The following HYDIN variants were observed in gnomAD, a reference collection of about 807,000 sequenced individuals.
HYDIN encodes axonemal central pair apparatus protein HYDIN.
In HYDIN, 132 loss-of-function variants were observed where a neutral mutation model predicts 403.9. That is an observed-to-expected ratio of 0.33 (90% CI 0.28 to 0.38). The LOEUF (loss-of-function observed/expected upper bound fraction) is 0.38. Among genes scored for constraint, HYDIN ranks in the 10% least tolerant of loss-of-function variants. HYDIN has a pLI of 1.00. For synonymous variants in HYDIN, 1,202 were observed against 1,891.7 expected (o/e 0.64, Z 9.46); for missense variants, 2,827 against 5,009.5 (o/e 0.56, Z 13.15).
At chr16:71,107,109 A>G (rs2083643831) in intron 10 of HYDIN, among the ~76,000 whole-genome samples, 1 of 144,162 alleles carries the variant, frequency 6.9e-6, no homozygotes, top group Admixed American at 7.2e-5. Flanking sequence ...GAACAATGAG[A>G]ACACATGGAC....
rs375993321 is a variant in HYDIN at position 70,835,007 on chromosome 16, T to C, written c.13401+669A>G. Among the ~76,000 whole-genome samples, 73 of 147,032 alleles carry C rather than the reference T, an allele frequency of 5.0e-4. No individual in the cohort carries two copies. In the South Asian group the frequency reaches 0.012, roughly 25 times the overall value. ...ATATATATATACACACATATATATA[T>C]ACACACACATATATATATGTTTTTT... On this transcript the variant is annotated intron_variant, in intron 78 of 85. Coordinates refer to ENST00000393567, the MANE Select transcript of HYDIN (RefSeq NM_001270974.2).
chr16:71,167,822 A>T (rs978929831), intron 5 of HYDIN, among the ~76,000 whole-genome samples: 4 of 152,170 alleles, frequency 2.6e-5, no homozygotes, highest in African/African-American at 9.7e-5. Context: ...GGAGGCTCCG[A>T]TGGCCTGCAG....
chr16:70,990,447 C>A (rs1413365814), intron 25 of HYDIN, among the ~76,000 whole-genome samples: 1 of 128,388 alleles, frequency 7.8e-6, no homozygotes, highest in African/African-American at 2.9e-5. Context: ...GGTCAGTGCT[C>A]AGTTAAGTGT....
At chr16:71,177,536 TCA>T (rs1380744850) in intron 4 of HYDIN, among the ~76,000 whole-genome samples, 4 of 152,206 alleles carry the variant, frequency 2.6e-5, no homozygotes, top group Non-Finnish European at 5.9e-5. Context: ...GGCTTTGCTG[TCA>T]CTAAATCACC....
At chr16:70,894,607 G>C (rs2041682442) in intron 54 of HYDIN, 59 bp from the exon 55 acceptor site, 22 of 1,018,206 alleles carry the variant, frequency 2.2e-5, no homozygotes, top group Non-Finnish European at 2.7e-5. Flanking sequence ...TGGGAAGCAG[G>C]GGAAGTGCCT....
chr16:71,151,199 T>C (rs991509220), intron 7 of HYDIN, among the ~76,000 whole-genome samples: 3 of 152,176 alleles, frequency 2.0e-5, no homozygotes, highest in East Asian at 1.9e-4. Flanking sequence ...TTCCCCCTTT[T>C]CTTAAGCTAG....
chr16:70,812,168 T>C (rs1770421), intron 84 of HYDIN, among the ~76,000 whole-genome samples: 1 of 107,906 alleles, frequency 9.3e-6, no homozygotes, highest in Admixed American at 1.0e-4. Flanking sequence ...TTTTAGAAGA[T>C]GGTTGGGTAC....
chr16:71,027,458 T>C, intron 20 of HYDIN, 144 bp downstream of exon 20: 2 of 1,531,374 alleles, frequency 1.3e-6, no homozygotes, highest in Non-Finnish European at 1.7e-6. Context: ...CAACGGATGC[T>C]ACTATGGTAA....
At position 71,088,523 on chromosome 16, in the gene HYDIN, G is replaced by T. The variant is rs1290575802; in HGVS notation, c.1448C>A (p.Ala483Glu). ...VFTGSAHCYEAILYNKGSIDA... is the reference protein window; with the variant it reads ...VFTGSAHCYEEILYNKGSIDA... ...GATGCTGCCTTTGTTGTACAGTATC[G>T]CCTATATCAATAAAAGGCAAGAATG... Residue 483 changes from alanine to glutamate, a missense_variant and splice_region_variant, in exon 12 of 86, where the codon GCG becomes GAG. Transcript: ENST00000393567. 7.9e-6 allele frequency: 5 copies of T among 636,268 alleles called. No individual in the cohort carries two copies. Among genetic ancestry groups the T allele is most frequent in the Non-Finnish European group, 1.4e-5 (5 of 351,600 alleles). 39.4% of individuals were successfully genotyped at this position (636,268 alleles called of 1,614,324 possible). A position where few individuals can be genotyped will look rare whatever the true frequency, so the allele number is the denominator to read the frequency against.
In HYDIN at chr16:70,879,493, G is replaced by A. The variant is rs756810842; in HGVS notation, c.10368-7C>T. 1.2e-6 allele frequency: 2 copies of A among 1,613,040 alleles called. No homozygotes were observed. The highest frequency in any genetic ancestry group is 1.3e-5 in the African/African-American group (1 of 74,850). ...TCGGCTCTTGGCCAGGGTGCTGTAG[G>A]GGACAGGAAGATTGTAGCCTGTCAG... On this transcript the variant is annotated splice_polypyrimidine_tract_variant and splice_region_variant and intron_variant, in intron 61 of 85. Coordinates refer to ENST00000393567, the MANE Select transcript of HYDIN (RefSeq NM_001270974.2).
chr16:70,930,851 T>C (rs2077299269), intron 45 of HYDIN, among the ~76,000 whole-genome samples: 1 of 152,172 alleles, frequency 6.6e-6, no homozygotes, highest in African/African-American at 2.4e-5. Flanking sequence ...GTCTGCAACA[T>C]AACATTAAAA....
intron 23 of HYDIN, among the ~76,000 whole-genome samples, chr16:71,001,285 C>CT (rs1273171294): frequency 1.1e-5 from 1 of 91,334 alleles, no homozygotes; most frequent in African/African-American, 4.4e-5. Context: ...GCAATAGATG[C>CT]TTTTTTTCTG....
chr16:71,184,452 C>T (rs2087044854), intron 3 of HYDIN, among the ~76,000 whole-genome samples: 1 of 152,058 alleles, frequency 6.6e-6, no homozygotes, highest in South Asian at 2.1e-4. Flanking sequence ...GGAAATGAGC[C>T]AGAATAGACA....
Position 70,941,641 on chromosome 16 carries a change from T to C in HYDIN, c.6848A>G (p.Gln2283Arg), listed in dbSNP as rs371014018. 2 of 1,541,370 alleles carry C rather than the reference T, an allele frequency of 1.3e-6. No individual in the cohort carries two copies. The highest frequency in any genetic ancestry group is 1.7e-6 in the Non-Finnish European group (2 of 1,144,168). The change falls in exon 43 of 86, where the codon CAA becomes CGA. Residue 2283 changes from glutamine (Q) to arginine (R), a missense_variant. Gln to Arg is a conservative substitution (Grantham distance 43). Coordinates refer to ENST00000393567, the MANE Select transcript of HYDIN (RefSeq NM_001270974.2). ...MKAQEKAKKE[Q>R]EERKHKGALE... The stretch of plus-strand genomic sequence containing the variant: ...GGAAAGGTAGGAGGCCTTGCCTTCT[T>C]GCTCCTTTTTGGCTTTCTCCTGGGC...
chr16:71,180,879 T>A (rs1408228853), intron 3 of HYDIN, among the ~76,000 whole-genome samples: 1 of 152,080 alleles, frequency 6.6e-6, no homozygotes, highest in Non-Finnish European at 1.5e-5. Context: ...GGTCATTGAG[T>A]ACAAGGTCAA....
rs191715680 is a variant in HYDIN, at chr16:71,171,546, C to T, written c.516+4061G>A. Among the ~76,000 whole-genome samples, 149 of 152,230 alleles carry T rather than the reference C, an allele frequency of 9.8e-4. 2 individuals are homozygous for T. Among genetic ancestry groups the T allele is most frequent in the Non-Finnish European group, 1.4e-3 (98 of 68,030 alleles). ...ATTCATTTGTAATCTTTTCTGGGTA[C>T]TACACTATCAGGAGTTTTTATAAAG... On this transcript the variant is annotated intron_variant, in intron 5 of 85. Coordinates refer to ENST00000393567, the MANE Select transcript of HYDIN (RefSeq NM_001270974.2).
intron 18 of HYDIN, among the ~76,000 whole-genome samples, chr16:71,039,434 T>C (rs899676023): frequency 1.3e-5 from 2 of 152,180 alleles, no homozygotes; most frequent in African/African-American, 4.8e-5. Context: ...GGCGAAACCC[T>C]ACCTTTAAGC....
rs374866149 is a variant in HYDIN at position 70,908,789 on chromosome 16, C to T, written c.8077G>A (p.Glu2693Lys). Residue 2693 changes from glutamate (E) to lysine (K), a missense_variant, in exon 48 of 86, where the codon GAG becomes AAG. Coordinates refer to ENST00000393567, the MANE Select transcript of HYDIN (RefSeq NM_001270974.2). The part of the protein sequence containing the change: ...KMKEKIDQVF[E>K]IQKDKRHMAL... ...ATGTGACGCTTGTCTTTCTGAATCT[C>T]GAAGACTTGGTCTATCTTTTCTTTC... is the stretch of plus-strand genomic sequence containing the variant. The T allele has an allele frequency of 5.6e-6, 9 of 1,614,106 alleles. No homozygotes were observed. Among genetic ancestry groups the T allele is most frequent in the African/African-American group, 2.7e-5 (2 of 74,932 alleles).
intron 1 of HYDIN, among the ~76,000 whole-genome samples, chr16:71,192,355 G>C (rs941621771): frequency 6.6e-5 from 10 of 152,102 alleles, no homozygotes; most frequent in Non-Finnish European, 1.3e-4. Flanking sequence ...CCATACCCCA[G>C]CCATTCTCCA....
Sources: allele counts gnomAD v4.1 joint callset (sites outside exome capture counted in the v4.1 genomes callset), GRCh38; gene constraint gnomAD v4.1.1; transcripts MANE v1.5; gene names NCBI Gene and HGNC (gene_info 2026-07-23, HGNC 2026-07-21).